GPC5: variants seen among roughly 807,000 people sequenced by gnomAD.
GPC5 encodes glypican 5, also known as glypican-5.
In GPC5, 47 loss-of-function variants were observed where a neutral mutation model predicts 53.9. That is an observed-to-expected ratio of 0.87 (90% CI 0.69 to 1.11). The LOEUF is 1.11. Ranked by LOEUF, GPC5 falls within the 50% of genes most tolerant of loss-of-function variation. The pLI is 0.00. For synonymous variants in GPC5, 286 were observed against 263.3 expected, an observed-to-expected ratio of 1.09 and a Z score of -0.84; for missense variants, 748 against 713.1, an observed-to-expected ratio of 1.05 and a Z score of -0.56.
At chr13:92,833,677 T>C (rs1402274618) in intron 7 of GPC5, among the ~76,000 whole-genome samples, 3 of 152,122 alleles carry the variant, frequency 2.0e-5, no homozygotes, top group African/African-American at 4.8e-5. Context: ...ATACTTATTA[T>C]GGAAATACAT....
At chr13:92,750,753 C>T (rs1222980909) in intron 7 of GPC5, among the ~76,000 whole-genome samples, 1 of 152,140 alleles carries the variant, frequency 6.6e-6, no homozygotes, top group African/African-American at 2.4e-5. Context: ...GAGTTAAGCA[C>T]AAACTTCAAA....
chr13:92,049,713 AAATTAT>A (rs745639021), intron 6 of GPC5, among the ~76,000 whole-genome samples: 2 of 152,172 alleles, frequency 1.3e-5, no homozygotes, highest in Non-Finnish European at 2.9e-5. Context: ...AATATAGCAG[AAATTAT>A]AATTTGGGAT....
At chr13:91,938,445 C>T (rs540860291) in intron 6 of GPC5, among the ~76,000 whole-genome samples, 7 of 152,232 alleles carry the variant, frequency 4.6e-5, no homozygotes, top group African/African-American at 9.6e-5. Flanking sequence ...ACTTCCGACC[C>T]GGCCCCAACT....
chr13:91,446,710 A>G (rs1880833484), intron 1 of GPC5, among the ~76,000 whole-genome samples: 1 of 152,146 alleles, frequency 6.6e-6, no homozygotes, highest in African/African-American at 2.4e-5. Flanking sequence ...TTCCCTGAGG[A>G]TTTTGTTCAT....
intron 6 of GPC5, among the ~76,000 whole-genome samples, chr13:91,917,660 A>T (rs992036095): frequency 6.6e-6 from 1 of 152,180 alleles, no homozygotes; most frequent in African/African-American, 2.4e-5. Context: ...ATCTCTCTCA[A>T]GTTCAATGTT....
intron 2 of GPC5, among the ~76,000 whole-genome samples, chr13:91,660,573 T>A (rs1448400018): frequency 6.6e-6 from 1 of 152,204 alleles, no homozygotes; most frequent in Non-Finnish European, 1.5e-5. Context: ...ATCTATGCAA[T>A]AATAAATATT....
rs188167963 is a variant in GPC5, at chr13:91,955,690, G to T, written c.1401+47633G>T. Among the ~76,000 whole-genome samples, 467 of 152,258 alleles carry T rather than the reference G, an allele frequency of 3.1e-3. 3 individuals carry two copies. Among genetic ancestry groups the T allele is most frequent in the African/African-American group, 0.011 (448 of 41,546 alleles). ...TAACACAGGGAGCTTCTGAGAGACTGTACAACAGCATTCCTCCAGAGGAGC... is the reference window on the plus strand; with the variant it reads ...TAACACAGGGAGCTTCTGAGAGACTTTACAACAGCATTCCTCCAGAGGAGC... On this transcript the variant is annotated intron_variant, in intron 6 of 7. Transcript: ENST00000377067.
intron 7 of GPC5, among the ~76,000 whole-genome samples, chr13:92,640,626 C>T (rs2139148744): frequency 6.6e-6 from 1 of 152,136 alleles, no homozygotes; most frequent in South Asian, 2.1e-4. Flanking sequence ...TGTCTGGCTC[C>T]AAGGCTGTGA....
At chr13:91,644,578 A>G (rs2034513263) in intron 2 of GPC5, among the ~76,000 whole-genome samples, 1 of 152,010 alleles carries the variant, frequency 6.6e-6, no homozygotes, top group African/African-American at 2.4e-5. Context: ...CGCATCCTTT[A>G]CTAATCAATA....
chr13:92,675,577 C>G (rs1255127871), intron 7 of GPC5, among the ~76,000 whole-genome samples: 6 of 142,020 alleles, frequency 4.2e-5, no homozygotes, highest in Non-Finnish European at 6.4e-5. Flanking sequence ...TTTTGTCCCC[C>G]TCCTTTTTTT....
chr13:91,430,044 C>G (rs1879331369), intron 1 of GPC5, among the ~76,000 whole-genome samples: 1 of 152,170 alleles, frequency 6.6e-6, no homozygotes, highest in Non-Finnish European at 1.5e-5. Context: ...AATGCTACAA[C>G]AGAGACCATA....
At chr13:92,229,094 T>C (rs1566494604) in intron 7 of GPC5, among the ~76,000 whole-genome samples, 1 of 152,142 alleles carries the variant, frequency 6.6e-6, no homozygotes, top group Non-Finnish European at 1.5e-5. Flanking sequence ...TGTGAAAATG[T>C]AAACTTTGAC....
At chr13:92,441,158 G>A (rs1478421247) in intron 7 of GPC5, among the ~76,000 whole-genome samples, 1 of 152,024 alleles carries the variant, frequency 6.6e-6, no homozygotes, top group Non-Finnish European at 1.5e-5. Flanking sequence ...TGCAACCTCT[G>A]CCTCCTGGGT....
intron 6 of GPC5, among the ~76,000 whole-genome samples, chr13:92,023,692 A>T (rs1050374016): frequency 7.6e-5 from 8 of 105,518 alleles, no homozygotes; most frequent in African/African-American, 2.6e-4. Flanking sequence ...ACACACACAC[A>T]CACTCTCTCT....
chr13:92,318,466 CA>C (rs1402416491), intron 7 of GPC5, among the ~76,000 whole-genome samples: 1 of 152,098 alleles, frequency 6.6e-6, no homozygotes, highest in African/African-American at 2.4e-5. Flanking sequence ...TAAAATATAA[CA>C]AATAAGTAGG....
chr13:92,770,788 T>C (rs1000985179), intron 7 of GPC5, among the ~76,000 whole-genome samples: 2 of 152,164 alleles, frequency 1.3e-5, no homozygotes, highest in Non-Finnish European at 2.9e-5. Flanking sequence ...CTCCAGATAT[T>C]ATTTCAACCT....
At chr13:91,692,200 G>T (rs1345522901) in intron 2 of GPC5, among the ~76,000 whole-genome samples, 4 of 152,102 alleles carry the variant, frequency 2.6e-5, no homozygotes, top group Non-Finnish European at 4.4e-5. Flanking sequence ...AGTCTTTGAA[G>T]ATAAGATGAT....
At chr13:92,586,671 G>A (rs1455597618) in intron 7 of GPC5, among the ~76,000 whole-genome samples, 1 of 152,106 alleles carries the variant, frequency 6.6e-6, no homozygotes, top group African/African-American at 2.4e-5. Flanking sequence ...CTGATGCCAG[G>A]GTAGGTGCCA....
At chr13:92,414,781 G>A (rs1223608696) in intron 7 of GPC5, among the ~76,000 whole-genome samples, 2 of 152,082 alleles carry the variant, frequency 1.3e-5, no homozygotes, top group Non-Finnish European at 2.9e-5. Flanking sequence ...GTCTAGTGAG[G>A]GCCCACTTTC....
Sources: gnomAD v4.1 joint callset for allele counts (sites outside exome capture counted in the v4.1 genomes callset) on GRCh38, gnomAD v4.1.1 for gene constraint, MANE v1.5 for transcripts, NCBI Gene and HGNC (gene_info 2026-07-23, HGNC 2026-07-21) for gene names.